Variants in NCAM2 observed in about 807,000 individuals in gnomAD.
The protein encoded by NCAM2 is neural cell adhesion molecule 2.
NCAM2 carries 30 observed loss-of-function variants against 98.1 expected under a neutral mutation model. The observed-to-expected ratio is 0.31, with a 90% CI of 0.23 to 0.41. NCAM2 has a LOEUF of 0.41. NCAM2 is among the 10% of genes least tolerant of loss of function. The pLI, the probability that NCAM2 is intolerant of heterozygous loss-of-function variation, is 1.00. For synonymous variants in NCAM2, 368 were observed against 342.4 expected, an observed-to-expected ratio of 1.07 and a Z score of -0.83; for missense variants, 867 against 1,005.8, an observed-to-expected ratio of 0.86 and a Z score of 1.87.
intron 15 of NCAM2, among the ~76,000 whole-genome samples, chr21:21,494,728 A>G (rs972274): frequency 0.96 from 146,638 of 151,996 alleles, 70,940 homozygotes; most frequent in East Asian, 1. Context: ...AAATGTCAGT[A>G]TAGATAAGAT....
chr21:21,408,092 A>G (rs943460606), intron 9 of NCAM2, among the ~76,000 whole-genome samples: 1 of 152,208 alleles, frequency 6.6e-6, no homozygotes, highest in Non-Finnish European at 1.5e-5. Context: ...CCCCAAATGG[A>G]CATCATTTGG....
chr21:21,322,781 A>T (rs1407152483), intron 5 of NCAM2, among the ~76,000 whole-genome samples: 1 of 152,190 alleles, frequency 6.6e-6, no homozygotes, highest in Non-Finnish European at 1.5e-5. Flanking sequence ...AGACTCAGAA[A>T]ACATATGAAA....
chr21:21,436,928 AT>A (rs3838065), intron 12 of NCAM2, among the ~76,000 whole-genome samples: 38,871 of 147,958 alleles, frequency 0.26, 5,090 homozygotes, highest in East Asian at 0.39. Flanking sequence ...CACCTGGCTA[AT>A]TTTTTTTTTT....
intron 1 of NCAM2, among the ~76,000 whole-genome samples, chr21:21,153,510 A>G (rs561118549): frequency 1.3e-4 from 20 of 152,056 alleles, no homozygotes; most frequent in Admixed American, 3.3e-4. Context: ...GAGTACCATA[A>G]ATGTGCATAT....
At chr21:21,277,497 G>A (rs1043691718) in intron 1 of NCAM2, among the ~76,000 whole-genome samples, 1 of 152,010 alleles carries the variant, frequency 6.6e-6, no homozygotes, top group South Asian at 2.1e-4. Flanking sequence ...AAGCCATGAG[G>A]GGTTGTATAG....
chr21:21,286,560 G>A (rs746078226), intron 4 of NCAM2, 148 bp downstream of exon 4: 10 of 871,930 alleles, frequency 1.1e-5, no homozygotes, highest in Non-Finnish European at 1.7e-5. Context: ...CTCTACATTA[G>A]GATTTTGCAA....
chr21:21,456,564 T>C (rs1982177880), intron 12 of NCAM2, among the ~76,000 whole-genome samples: 1 of 152,146 alleles, frequency 6.6e-6, no homozygotes, highest in African/African-American at 2.4e-5. Flanking sequence ...TTAAATTAAA[T>C]TTTAAAAAGA....
intron 1 of NCAM2, among the ~76,000 whole-genome samples, chr21:21,171,867 G>T (rs936299422): frequency 6.6e-6 from 1 of 152,040 alleles, no homozygotes; most frequent in Non-Finnish European, 1.5e-5. Context: ...CGCTTGGTAG[G>T]TTAAATGGAA....
intron 12 of NCAM2, among the ~76,000 whole-genome samples, chr21:21,441,761 G>A (rs1447119028): frequency 6.6e-6 from 1 of 151,998 alleles, no homozygotes; most frequent in Non-Finnish European, 1.5e-5. Flanking sequence ...CCCAGGCAGA[G>A]TTAAGCTGCT....
chr21:21,176,765 T>C (rs942040996), intron 1 of NCAM2, among the ~76,000 whole-genome samples: 1 of 151,874 alleles, frequency 6.6e-6, no homozygotes, highest in African/African-American at 2.4e-5. Context: ...TTAAATACAA[T>C]CAGGAAATTA....
chr21:21,085,831 T>C (rs1014368453), intron 1 of NCAM2, among the ~76,000 whole-genome samples: 1 of 152,208 alleles, frequency 6.6e-6, no homozygotes, highest in Non-Finnish European at 1.5e-5. Context: ...TAAAAAATTT[T>C]GTTATTTCAA....
chr21:21,082,397 T>G (rs2065826055), intron 1 of NCAM2, among the ~76,000 whole-genome samples: 1 of 152,140 alleles, frequency 6.6e-6, no homozygotes, highest in Admixed American at 6.5e-5. Context: ...TTGGTCATCT[T>G]ATGACCATTG....
At position 21,033,533 on chromosome 21, in the gene NCAM2, T is replaced by C. The variant is rs1035652149; in HGVS notation, c.55+34915T>C. On this transcript the variant is annotated intron_variant, in intron 1 of 17. Transcript: ENST00000400546. ...GAGTGGAGATGACAAAGAGTGGGAG[T>C]AAATTTTTTTTCAGGTGAAATAAAT... is the stretch of plus-strand genomic sequence containing the variant. Among the ~76,000 whole-genome samples the C allele has an allele frequency of 5.3e-5, 8 of 151,716 alleles. No individual in the cohort carries two copies. In the South Asian group the frequency reaches 8.3e-4, roughly 16 times the overall value.
chr21:21,271,223 TA>T (rs1390563788), intron 1 of NCAM2, among the ~76,000 whole-genome samples: 3 of 152,222 alleles, frequency 2.0e-5, no homozygotes, highest in African/African-American at 7.2e-5. Flanking sequence ...TTATTTTTGC[TA>T]AAGTACATAT....
intron 1 of NCAM2, among the ~76,000 whole-genome samples, chr21:21,107,766 A>T (rs2066378065): frequency 6.6e-6 from 1 of 152,066 alleles, no homozygotes; most frequent in African/African-American, 2.4e-5. Context: ...TTTGTTATTG[A>T]CTTGATTCTT....
intron 1 of NCAM2, among the ~76,000 whole-genome samples, chr21:21,008,641 G>A (rs1398965773): frequency 6.6e-6 from 1 of 152,062 alleles, no homozygotes; most frequent in Non-Finnish European, 1.5e-5. Flanking sequence ...TTAAAGGTTT[G>A]TTTTACTCAC....
chr21:21,483,547 G>C (rs1225284557), intron 15 of NCAM2, among the ~76,000 whole-genome samples: 1 of 151,866 alleles, frequency 6.6e-6, no homozygotes, highest in Non-Finnish European at 1.5e-5. Flanking sequence ...AACATGAACA[G>C]AAAACAACTT....
chr21:21,311,573 C>T (rs985063794), intron 5 of NCAM2, among the ~76,000 whole-genome samples: 1 of 152,028 alleles, frequency 6.6e-6, no homozygotes, highest in African/African-American at 2.4e-5. Context: ...GATCTCCTGA[C>T]CTCGTGATCC....
chr21:21,467,871 G>A (rs1358161639), intron 13 of NCAM2, among the ~76,000 whole-genome samples: 1 of 151,734 alleles, frequency 6.6e-6, no homozygotes, highest in Non-Finnish European at 1.5e-5. Context: ...AAAAAAGAAT[G>A]AAGAAAAGAA....
Sources: gnomAD v4.1 joint callset for allele counts (sites outside exome capture counted in the v4.1 genomes callset) on GRCh38, gnomAD v4.1.1 for gene constraint, MANE v1.5 for transcripts, NCBI Gene and HGNC (gene_info 2026-07-23, HGNC 2026-07-21) for gene names.